The following FBXO34 variants were observed in gnomAD, a reference collection of about 807,000 sequenced individuals.
FBXO34 encodes F-box only protein 34.
In FBXO34, 12 loss-of-function variants were observed where a neutral mutation model predicts 24.5. That is an observed-to-expected ratio of 0.49 (90% CI 0.31 to 0.79). FBXO34 has a LOEUF of 0.79. Among genes scored for constraint, FBXO34 ranks in the 30% least tolerant of loss-of-function variants. FBXO34 has a pLI of 0.04. For synonymous variants in FBXO34, 320 were observed against 311.9 expected, an observed-to-expected ratio of 1.03 and a Z score of -0.27; for missense variants, 823 against 857.7, an observed-to-expected ratio of 0.96 and a Z score of 0.51.
chr14:55,304,745 C>G (rs1044104024), intron 1 of FBXO34, among the ~76,000 whole-genome samples: 1 of 152,140 alleles, frequency 6.6e-6, no homozygotes, highest in African/African-American at 2.4e-5. Context: ...AGTGATCCTC[C>G]CGCCTCAGCC....
chr14:55,373,549 T>C (rs560997651), downstream of FBXO34, among the ~76,000 whole-genome samples: 28 of 152,284 alleles, frequency 1.8e-4, no homozygotes, highest in African/African-American at 6.5e-4. Flanking sequence ...AAACTCCGCC[T>C]CCTGGGTTCA....
intron 1 of FBXO34, among the ~76,000 whole-genome samples, chr14:55,332,658 G>A (rs920010789): frequency 6.6e-6 from 1 of 152,158 alleles, no homozygotes; most frequent in Non-Finnish European, 1.5e-5. Context: ...GGAGAACTTG[G>A]TGTACCTCAT....
chr14:55,319,104 T>G (rs1428339350), intron 1 of FBXO34, among the ~76,000 whole-genome samples: 2 of 152,196 alleles, frequency 1.3e-5, no homozygotes, highest in Non-Finnish European at 2.9e-5. Context: ...ATTATTCCTA[T>G]GGATTAAGAA....
chr14:55,319,506 A>T (rs1158042976), intron 1 of FBXO34, among the ~76,000 whole-genome samples: 1 of 152,080 alleles, frequency 6.6e-6, no homozygotes, highest in Non-Finnish European at 1.5e-5. Context: ...AGTTTATATG[A>T]TGACTCTGTA....
the FBXO34 span, among the ~76,000 whole-genome samples, chr14:55,417,406 A>G: frequency 6.6e-6 from 1 of 150,980 alleles, no homozygotes; most frequent in South Asian, 2.1e-4. Flanking sequence ...TCAATAATCA[A>G]AAACCCCAAT....
At chr14:55,397,454 T>C in the FBXO34 span, 1 of 1,594,860 alleles carries the variant, frequency 6.3e-7, no homozygotes, top group Non-Finnish European at 8.6e-7. Flanking sequence ...AAAAATTCAA[T>C]GTCTTATTTA....
At chr14:55,279,883 A>C (rs1048289845) in intron 1 of FBXO34, among the ~76,000 whole-genome samples, 15 of 152,352 alleles carry the variant, frequency 9.8e-5, no homozygotes, top group South Asian at 4.1e-4. Flanking sequence ...ATAAAGAGCC[A>C]GTAGATACTG....
At chr14:55,381,975 T>G in the FBXO34 span, 2 of 1,613,796 alleles carry the variant, frequency 1.2e-6, no homozygotes, top group African/African-American at 1.3e-5. Context: ...GCCCCTGGGT[T>G]GTTTTCTTCT....
At chr14:55,298,636 G>A (rs1229497266) in intron 1 of FBXO34, 16 of 1,397,528 alleles carry the variant, frequency 1.1e-5, no homozygotes, top group East Asian at 2.5e-5. Context: ...AGGCTGGCGC[G>A]GCGAGCGCTG....
the FBXO34 span, among the ~76,000 whole-genome samples, chr14:55,426,074 C>T: frequency 6.6e-6 from 1 of 152,042 alleles, no homozygotes; most frequent in Non-Finnish European, 1.5e-5. Context: ...CAAGACCAGC[C>T]TGGCCAATAT....
At chr14:55,282,494 T>A (rs1424865703) in intron 1 of FBXO34, 1 of 244,638 alleles carries the variant, frequency 4.1e-6, no homozygotes, top group Non-Finnish European at 8.5e-6. Context: ...CCTCGAAGTC[T>A]GTCTGGGCAC....
At chr14:55,319,794 G>A (rs1330506366) in intron 1 of FBXO34, among the ~76,000 whole-genome samples, 2 of 152,136 alleles carry the variant, frequency 1.3e-5, no homozygotes, top group Admixed American at 6.5e-5. Flanking sequence ...TCCTGCCTCA[G>A]CCTCCCAAGT....
rs181144154 is a variant in FBXO34, at chr14:55,293,264, C to T, written c.-11+21727C>T. Among the ~76,000 whole-genome samples, 316 of 151,858 alleles carry T rather than the reference C, an allele frequency of 2.1e-3. 8 individuals carry two copies. Among genetic ancestry groups the T allele is most frequent in the Admixed American group, 0.02 (300 of 15,254 alleles). On this transcript the variant is annotated intron_variant, in intron 1 of 1. Transcript: ENST00000313833. Reference sequence around the variant, plus strand: ...CACAATCTCGGCTCACTGCAGGCTCCGCTGCTGGTTTCAGATGATTCTTAT... The same window carrying T: ...CACAATCTCGGCTCACTGCAGGCTCTGCTGCTGGTTTCAGATGATTCTTAT...
chr14:55,430,916 G>A, the FBXO34 span, among the ~76,000 whole-genome samples: 22 of 152,116 alleles, frequency 1.4e-4, no homozygotes, highest in Admixed American at 3.3e-4. Context: ...AGTTTGCATA[G>A]TCCTGTAGTT....
chr14:55,328,968 C>T (rs542230486), intron 1 of FBXO34, among the ~76,000 whole-genome samples: 1 of 152,012 alleles, frequency 6.6e-6, no homozygotes, highest in South Asian at 2.1e-4. Context: ...GTATTCTTCA[C>T]AGAAAGTATA....
intron 1 of FBXO34, among the ~76,000 whole-genome samples, chr14:55,341,003 C>T (rs1377426132): frequency 2.0e-5 from 3 of 152,060 alleles, no homozygotes; most frequent in Non-Finnish European, 4.4e-5. Flanking sequence ...CATAAAAATA[C>T]ATGTTAAAGA....
the FBXO34 span, among the ~76,000 whole-genome samples, chr14:55,399,558 G>A: frequency 6.6e-6 from 1 of 152,188 alleles, no homozygotes; most frequent in East Asian, 1.9e-4. Flanking sequence ...AGAATACTAA[G>A]AAATCTAATT....
chr14:55,382,816 T>A, the FBXO34 span, among the ~76,000 whole-genome samples: 1 of 152,204 alleles, frequency 6.6e-6, no homozygotes, highest in Non-Finnish European at 1.5e-5. Context: ...TCTACGTGTT[T>A]AAAACACTTT....
At chr14:55,306,574 G>A (rs1032874737) in intron 1 of FBXO34, among the ~76,000 whole-genome samples, 5 of 152,052 alleles carry the variant, frequency 3.3e-5, no homozygotes, top group African/African-American at 1.2e-4. Context: ...TGGCTCACGC[G>A]TGTAATCCCA....
Sources: allele counts gnomAD v4.1 joint callset (sites outside exome capture counted in the v4.1 genomes callset), GRCh38; gene constraint gnomAD v4.1.1; transcripts MANE v1.5; gene names NCBI Gene and HGNC (gene_info 2026-07-23, HGNC 2026-07-21).